Variants in CTNNA3 observed in about 807,000 individuals in gnomAD.
The protein encoded by CTNNA3 is catenin alpha 3, also known as catenin alpha-3.
In CTNNA3, 76 loss-of-function variants were observed where a neutral mutation model predicts 95.7. The ratio of observed to expected loss-of-function variants is 0.79; its 90% CI spans 0.66 to 0.96. The LOEUF (loss-of-function observed/expected upper bound fraction) is 0.96. Ranked by LOEUF, CTNNA3 falls within the 40% of genes least tolerant of loss-of-function variation. CTNNA3 has a pLI of 0.00. For synonymous variants in CTNNA3, 431 were observed against 374.4 expected (o/e 1.15, Z -1.74); for missense variants, 1,191 against 1,089.8 (o/e 1.09, Z -1.31).
At chr10:66,300,950 A>T (rs759502785) in intron 12 of CTNNA3, among the ~76,000 whole-genome samples, 4 of 152,148 alleles carry the variant, frequency 2.6e-5, no homozygotes, top group Non-Finnish European at 5.9e-5. Context: ...CTAAAAAAAA[A>T]GAGAGAAGAT....
At chr10:66,237,354 T>G (rs537676053) in intron 13 of CTNNA3, among the ~76,000 whole-genome samples, 17 of 152,148 alleles carry the variant, frequency 1.1e-4, no homozygotes, top group Non-Finnish European at 1.5e-4. Flanking sequence ...TCAGGGGAAT[T>G]GTTGTATTTG....
intron 10 of CTNNA3, among the ~76,000 whole-genome samples, chr10:66,612,907 C>T (rs566886804): frequency 3.3e-4 from 50 of 152,136 alleles, no homozygotes; most frequent in South Asian, 1.5e-3. Flanking sequence ...CCATTTCCAC[C>T]GATTCCTCCC....
intron 14 of CTNNA3, among the ~76,000 whole-genome samples, chr10:66,099,926 T>C (rs2081550899): frequency 6.6e-6 from 1 of 152,156 alleles, no homozygotes; most frequent in Non-Finnish European, 1.5e-5. Flanking sequence ...ATCCTCTTAC[T>C]ACACAAGTTA....
chr10:67,387,189 C>G (rs1443217392), intron 5 of CTNNA3, among the ~76,000 whole-genome samples: 4 of 152,150 alleles, frequency 2.6e-5, no homozygotes, highest in African/African-American at 9.7e-5. Flanking sequence ...GGGCGCAGGT[C>G]AGTGGGTGCG....
At chr10:67,639,441 G>A (rs1288660362) in intron 2 of CTNNA3, among the ~76,000 whole-genome samples, 1 of 152,152 alleles carries the variant, frequency 6.6e-6, no homozygotes, top group Non-Finnish European at 1.5e-5. Flanking sequence ...GGAGGAGCTG[G>A]TACCATTCCT....
chr10:67,447,145 C>T (rs894575421), intron 5 of CTNNA3, among the ~76,000 whole-genome samples: 1 of 152,120 alleles, frequency 6.6e-6, no homozygotes, highest in African/African-American at 2.4e-5. Flanking sequence ...AGTTGGTTTT[C>T]CTCTGGATAA....
At chr10:67,478,358 A>T (rs909368191) in intron 5 of CTNNA3, among the ~76,000 whole-genome samples, 1 of 152,076 alleles carries the variant, frequency 6.6e-6, no homozygotes, top group African/African-American at 2.4e-5. Flanking sequence ...TCAATGTTAT[A>T]AAAAAAATCT....
intron 6 of CTNNA3, among the ~76,000 whole-genome samples, chr10:67,190,281 A>G (rs1863059154): frequency 6.6e-6 from 1 of 152,090 alleles, no homozygotes; most frequent in Admixed American, 6.6e-5. Flanking sequence ...AATAAAAAAC[A>G]GAAGTGGCAG....
At chr10:66,104,868 C>T (rs2081823023) in intron 13 of CTNNA3, among the ~76,000 whole-genome samples, 1 of 152,148 alleles carries the variant, frequency 6.6e-6, no homozygotes, top group Non-Finnish European at 1.5e-5. Flanking sequence ...GTCAGGGCTG[C>T]CAATAGCCTT....
At chr10:66,524,174 A>G (rs1841166571) in intron 10 of CTNNA3, among the ~76,000 whole-genome samples, 1 of 152,262 alleles carries the variant, frequency 6.6e-6, no homozygotes, top group East Asian at 1.9e-4. Flanking sequence ...ATATCACCAC[A>G]TACTGTGAAG....
intron 10 of CTNNA3, among the ~76,000 whole-genome samples, chr10:66,541,655 C>T (rs1343563227): frequency 6.6e-6 from 1 of 152,036 alleles, no homozygotes; most frequent in African/African-American, 2.4e-5. Flanking sequence ...TGAAAGTGGT[C>T]TGGTCTTGAC....
intron 5 of CTNNA3, among the ~76,000 whole-genome samples, chr10:67,363,121 C>T (rs1036484480): frequency 6.6e-6 from 1 of 151,824 alleles, no homozygotes; most frequent in African/African-American, 2.4e-5. Context: ...AGAGATGACA[C>T]AAAATAAAAA....
At chr10:66,288,122 G>T (rs2091621540) in intron 12 of CTNNA3, among the ~76,000 whole-genome samples, 1 of 151,968 alleles carries the variant, frequency 6.6e-6, no homozygotes, top group Non-Finnish European at 1.5e-5. Flanking sequence ...TGTATATACA[G>T]ATATATATGT....
At chr10:66,482,294 G>A (rs904947748) in intron 11 of CTNNA3, among the ~76,000 whole-genome samples, 5 of 152,078 alleles carry the variant, frequency 3.3e-5, no homozygotes, top group Admixed American at 2.6e-4. Context: ...AAACTTAACT[G>A]TTTTGTTTTC....
chr10:66,444,854 C>T (rs2093406473), intron 11 of CTNNA3, among the ~76,000 whole-genome samples: 2 of 152,270 alleles, frequency 1.3e-5, no homozygotes, highest in African/African-American at 4.8e-5. Flanking sequence ...GGGCTAAATG[C>T]TCCAATTAAA....
intron 17 of CTNNA3, among the ~76,000 whole-genome samples, chr10:65,966,090 G>C (rs2077958713): frequency 6.6e-6 from 1 of 151,912 alleles, no homozygotes; most frequent in South Asian, 2.1e-4. Flanking sequence ...GGCCACCAAA[G>C]AATTTATGAA....
intron 7 of CTNNA3, among the ~76,000 whole-genome samples, chr10:66,859,646 C>A (rs1843827414): frequency 7.0e-6 from 1 of 142,660 alleles, no homozygotes. Flanking sequence ...TACCATGTGA[C>A]CCAGCCATCC....
chr10:67,351,551 A>G (rs997307842), intron 5 of CTNNA3, among the ~76,000 whole-genome samples: 1 of 151,996 alleles, frequency 6.6e-6, no homozygotes, highest in Admixed American at 6.6e-5. Context: ...AAGGCATAAA[A>G]CATGCCTATT....
chr10:66,297,298 C>T (rs1219105888), intron 12 of CTNNA3, among the ~76,000 whole-genome samples: 2 of 152,034 alleles, frequency 1.3e-5, no homozygotes, highest in East Asian at 3.9e-4. Flanking sequence ...CCCCCTGGTT[C>T]CATCCTTGCA....
Sources: gnomAD v4.1 joint callset for allele counts (sites outside exome capture counted in the v4.1 genomes callset) on GRCh38, gnomAD v4.1.1 for gene constraint, MANE v1.5 for transcripts, NCBI Gene and HGNC (gene_info 2026-07-23, HGNC 2026-07-21) for gene names.